RAB37: variants seen among roughly 807,000 people sequenced by gnomAD.
The protein encoded by RAB37 is ras-related protein Rab-37.
Under a neutral mutation model 33.1 loss-of-function variants are expected in RAB37, and 29 were observed. The observed-to-expected ratio is 0.88, with a 90% CI of 0.65 to 1.20. The LOEUF is 1.20. Among genes scored for constraint, RAB37 ranks in the 50% most tolerant of loss-of-function variants. RAB37 has a pLI of 0.00. For synonymous variants in RAB37, 128 were observed against 119.5 expected (o/e 1.07, Z -0.47); for missense variants, 299 against 301.1 (o/e 0.99, Z 0.05).
At chr17:74,694,979 A>T in intron 1 of RAB37, 1 of 1,168,250 alleles carries the variant, frequency 8.6e-7, no homozygotes, top group Non-Finnish European at 1.2e-6. Context: ...ATGCTGGCTG[A>T]TCAGGCAGAG....
chr17:74,672,854 AGT>A (rs1316494926), intron 1 of RAB37: 6 of 152,212 alleles, frequency 3.9e-5, no homozygotes, highest in African/African-American at 1.4e-4. Context: ...TGCACAATAA[AGT>A]TTTAGGTGCA....
At chr17:74,686,065 G>A (rs548010212) in intron 1 of RAB37, among the ~76,000 whole-genome samples, 88 of 151,990 alleles carry the variant, frequency 5.8e-4, no homozygotes, top group Non-Finnish European at 1.1e-3. Flanking sequence ...CTATCTCCAC[G>A]TTCTCTCCCA....
chr17:74,710,154 A>G (rs2033841522), intron 1 of RAB37, among the ~76,000 whole-genome samples: 1 of 151,382 alleles, frequency 6.6e-6, no homozygotes, highest in Admixed American at 6.6e-5. Flanking sequence ...AATTTTTTGT[A>G]CTTTTGGTAG....
intron 1 of RAB37, among the ~76,000 whole-genome samples, chr17:74,686,257 A>G (rs2143490174): frequency 6.6e-6 from 1 of 151,920 alleles, no homozygotes; most frequent in Non-Finnish European, 1.5e-5. Context: ...ATGCCTGGCT[A>G]ATTTTTTGTA....
chr17:74,688,938 C>G (rs1051531367), intron 1 of RAB37, among the ~76,000 whole-genome samples: 3 of 152,144 alleles, frequency 2.0e-5, no homozygotes, highest in Non-Finnish European at 4.4e-5. Context: ...AAAGCAAAGG[C>G]TTTAGGTCTA....
chr17:74,732,896 G>A (rs1341251156), upstream of RAB37, among the ~76,000 whole-genome samples: 1 of 134,374 alleles, frequency 7.4e-6, no homozygotes, highest in Non-Finnish European at 1.6e-5. Flanking sequence ...CTGACACTTG[G>A]TACCTCCACT....
At position 74,737,346 on chromosome 17, in the gene RAB37, G is replaced by A. The variant is rs1426965159; in HGVS notation, c.74G>A (p.Ser25Asn). 6 of 1,576,772 alleles carry A rather than the reference G, an allele frequency of 3.8e-6. No homozygotes were observed. Among genetic ancestry groups the A allele is most frequent in the Admixed American group, 1.8e-5 (1 of 56,084 alleles). The change falls in exon 1 of 9, where the codon AGC becomes AAC. Residue 25 changes from serine (S) to asparagine (N), a missense_variant. Coordinates refer to ENST00000392613, the MANE Select transcript of RAB37 (RefSeq NM_001006638.3). Reference protein sequence around the residue: ...APERSPPCSPSYDLTGKVMLL... With the variant: ...APERSPPCSPNYDLTGKVMLL... ...GAGCGCTCCCCGCCCTGCAGTCCGAGCTACGACCTCACGGGCAAGGTGGGT... is the reference window on the plus strand; with the variant it reads ...GAGCGCTCCCCGCCCTGCAGTCCGAACTACGACCTCACGGGCAAGGTGGGT...
chr17:74,689,120 G>A (rs1315422210), intron 1 of RAB37, among the ~76,000 whole-genome samples: 1 of 152,156 alleles, frequency 6.6e-6, no homozygotes, highest in Non-Finnish European at 1.5e-5. Context: ...CCAACATGGT[G>A]AAACCCTGTC....
intron 1 of RAB37, among the ~76,000 whole-genome samples, chr17:74,688,054 C>A (rs923389017): frequency 3.9e-5 from 6 of 152,184 alleles, no homozygotes; most frequent in African/African-American, 1.4e-4. Context: ...ACTTAACCAA[C>A]TTATTAGGTC....
At chr17:74,696,643 C>A (rs980124238) in intron 1 of RAB37, among the ~76,000 whole-genome samples, 7 of 152,226 alleles carry the variant, frequency 4.6e-5, no homozygotes, top group Admixed American at 2.0e-4. Context: ...GCTGTCTAAT[C>A]CCCCTCCCGG....
At chr17:74,690,050 C>T (rs1167088090) in intron 1 of RAB37, among the ~76,000 whole-genome samples, 1 of 152,132 alleles carries the variant, frequency 6.6e-6, no homozygotes, top group African/African-American at 2.4e-5. Flanking sequence ...TTCCTACGTT[C>T]AAGCGATCCT....
chr17:74,739,208 C>G (rs1018870940), intron 1 of RAB37, among the ~76,000 whole-genome samples: 10 of 152,214 alleles, frequency 6.6e-5, no homozygotes, highest in African/African-American at 2.2e-4. Context: ...AGCCACCTAA[C>G]CAGCAGCTGG....
In RAB37 at chr17:74,729,799, G is replaced by A. The variant is rs749021007; in HGVS notation, c.183+433G>A. Among the ~76,000 whole-genome samples, 16 of 152,026 alleles carry A rather than the reference G, an allele frequency of 1.1e-4. No homozygotes were observed. Among genetic ancestry groups the A allele is most frequent in the Non-Finnish European group, 2.4e-4 (16 of 68,024 alleles). ...GGCTCCACATTGGATGAACGCAAGT[G>A]GAAGCCAGAAAGCAAAAAATATTTT... On this transcript the variant is annotated intron_variant, in intron 2 of 7. Coordinates refer to the RAB37 transcript ENST00000340415. The surrounding 1 kb of genome is among the most constrained non-coding windows in gnomAD (Gnocchi z 4.2).
upstream of RAB37, chr17:74,736,904 C>A: frequency 6.7e-7 from 1 of 1,491,364 alleles, no homozygotes; most frequent in South Asian, 1.3e-5. Flanking sequence ...CGCCTGCTGT[C>A]GCGGTGCGCA....
rs769402992 is a variant in RAB37, at chr17:74,745,263, C to T, written c.567-43C>T. ...GAGGGGGCGGCTCAGCTCCTCACCC[C>T]AGCCCAGCCCAGCCCAGCCCAGCCC... is the stretch of plus-strand genomic sequence containing the variant. On this transcript the variant is annotated intron_variant, in intron 8 of 8. Transcript: ENST00000392613. This position sits in a 1 kb window ranked among gnomAD's most constrained non-coding sequence, Gnocchi z 4.5. 1.7e-5 allele frequency: 26 copies of T among 1,561,096 alleles called. No individual in the cohort carries two copies. In the South Asian group the frequency reaches 2.4e-4, roughly 15 times the overall value.
At chr17:74,681,482 A>C (rs1233150507) in intron 1 of RAB37, among the ~76,000 whole-genome samples, 1 of 152,206 alleles carries the variant, frequency 6.6e-6, no homozygotes, top group Non-Finnish European at 1.5e-5. Context: ...CAACACATAG[A>C]AACTAAGCTG....
upstream of RAB37, among the ~76,000 whole-genome samples, chr17:74,733,189 G>A (rs2034414187): frequency 6.6e-6 from 1 of 152,066 alleles, no homozygotes; most frequent in South Asian, 2.1e-4. Context: ...AGTGAAATGA[G>A]GTATGTGTGT....
intron 1 of RAB37, among the ~76,000 whole-genome samples, chr17:74,739,318 G>A (rs941295499): frequency 1.1e-4 from 17 of 152,084 alleles, no homozygotes; most frequent in Admixed American, 2.0e-4. Context: ...TGGGGAAGAT[G>A]AGCAGAGCAG....
At chr17:74,712,274 C>T (rs569964115) in intron 1 of RAB37, among the ~76,000 whole-genome samples, 8 of 152,316 alleles carry the variant, frequency 5.3e-5, no homozygotes, top group African/African-American at 1.9e-4. Flanking sequence ...GCCCACATCT[C>T]AGTCCCTCCT....
Sources: allele counts gnomAD v4.1 joint callset (sites outside exome capture counted in the v4.1 genomes callset), GRCh38; gene constraint gnomAD v4.1.1; non-coding constraint Gnocchi (gnomAD v3.1); transcripts MANE v1.5; gene names NCBI Gene and HGNC (gene_info 2026-07-23, HGNC 2026-07-21).